CEP63: variants seen among roughly 807,000 people sequenced by gnomAD.
CEP63 encodes the protein centrosomal protein 63, also known as centrosomal protein of 63 kDa.
A neutral mutation model predicts 89.1 loss-of-function variants in CEP63; 84 were observed. That is an observed-to-expected ratio of 0.94 (90% CI 0.79 to 1.13). The LOEUF (loss-of-function observed/expected upper bound fraction) is 1.13. CEP63 is among the 50% of genes most tolerant of loss of function. CEP63 has a pLI of 0.00. For synonymous variants in CEP63, 267 were observed against 272.5 expected, an observed-to-expected ratio of 0.98 and a Z score of 0.20; for missense variants, 838 against 813.3, an observed-to-expected ratio of 1.03 and a Z score of -0.37.
At chr3:134,738,249 T>TACACACAC in the CEP63 span, among the ~76,000 whole-genome samples, 3,089 of 145,606 alleles carry the variant, frequency 0.021, 58 homozygotes, top group African/African-American at 0.045. Context: ...TATTCCATCA[T>TACACACAC]ACACACACAC....
the CEP63 span, chr3:134,601,009 T>A: frequency 2.0e-5 from 3 of 152,190 alleles, no homozygotes; most frequent in Non-Finnish European, 4.4e-5. Flanking sequence ...AGCTCCGCAC[T>A]TCGGACACCT....
chr3:134,678,499 A>T, the CEP63 span, among the ~76,000 whole-genome samples: 1 of 152,166 alleles, frequency 6.6e-6, no homozygotes, highest in African/African-American at 2.4e-5. Flanking sequence ...CCCAGCCCTC[A>T]CCAGCTGCTC....
chr3:134,645,445 G>T, the CEP63 span, among the ~76,000 whole-genome samples: 2 of 152,216 alleles, frequency 1.3e-5, no homozygotes, highest in Non-Finnish European at 2.9e-5. Context: ...AAGCCATCCA[G>T]TTACCAGGGC....
chr3:134,690,996 G>A, the CEP63 span, among the ~76,000 whole-genome samples: 3 of 152,088 alleles, frequency 2.0e-5, no homozygotes, highest in Admixed American at 6.5e-5. Flanking sequence ...TAATCTGCCC[G>A]CCTTGGCCTC....
the CEP63 span, among the ~76,000 whole-genome samples, chr3:134,621,429 G>T: frequency 2.8e-4 from 43 of 152,166 alleles, no homozygotes; most frequent in Non-Finnish European, 5.7e-4. Flanking sequence ...TACGGTTAGT[G>T]GATCTTTGAC....
chr3:134,610,275 G>A, the CEP63 span: 3 of 1,613,910 alleles, frequency 1.9e-6, no homozygotes, highest in South Asian at 3.3e-5. Flanking sequence ...TTCCCTCCAG[G>A]TACACAGCAT....
At chr3:134,586,173 G>A (rs1396271895) in intron 10 of CEP63, among the ~76,000 whole-genome samples, 1 of 152,038 alleles carries the variant, frequency 6.6e-6, no homozygotes, top group Non-Finnish European at 1.5e-5. Context: ...CTTTTAATTG[G>A]GGCATTTAGC....
At chr3:134,714,151 A>G in the CEP63 span, among the ~76,000 whole-genome samples, 1 of 152,200 alleles carries the variant, frequency 6.6e-6, no homozygotes, top group East Asian at 1.9e-4. Flanking sequence ...ACATTAGACC[A>G]GTGGTTCTCA....
the CEP63 span, among the ~76,000 whole-genome samples, chr3:134,781,447 C>T: frequency 3.3e-5 from 5 of 152,114 alleles, no homozygotes; most frequent in African/African-American, 1.2e-4. Context: ...CATTAAAATG[C>T]TGTATTATTC....
the CEP63 span, among the ~76,000 whole-genome samples, chr3:134,714,279 T>C: frequency 6.6e-6 from 1 of 152,140 alleles, no homozygotes; most frequent in South Asian, 2.1e-4. Flanking sequence ...GGAAAATCAT[T>C]TGAGGTTGGT....
chr3:134,658,836 C>T, the CEP63 span, among the ~76,000 whole-genome samples: 5 of 152,168 alleles, frequency 3.3e-5, no homozygotes, highest in Non-Finnish European at 7.4e-5. Flanking sequence ...AGCCCTGCTC[C>T]CTGCTCCGAT....
rs869231096 is a variant in CEP63, at chr3:134,535,500, C to CTTTTTTTTTTTTTTT, written c.442-1644_442-1643insTTTTTTTTTTTTTTT. ...GTCATGTCATTGGACCTTTCCTTTCCTTTTTTTTTTTCCTATCTACGCTCA... is the reference window on the plus strand; with the variant it reads ...GTCATGTCATTGGACCTTTCCTTTCCTTTTTTTTTTTTTTTTTTTTTTTTTTCCTATCTACGCTCA... On this transcript the variant is annotated intron_variant, in intron 5 of 14. Transcript: ENST00000675561. 1.4e-5 allele frequency: 2 copies of CTTTTTTTTTTTTTTT among 143,288 alleles called. 1 individual carries two copies. 8.9% of individuals were successfully genotyped at this position (143,288 alleles called of 1,614,324 possible).
At chr3:134,661,813 C>G in the CEP63 span, among the ~76,000 whole-genome samples, 1 of 150,932 alleles carries the variant, frequency 6.6e-6, no homozygotes, top group Non-Finnish European at 1.5e-5. Context: ...TTGTGCCCCC[C>G]CCCTCAAATT....
the CEP63 span, among the ~76,000 whole-genome samples, chr3:134,730,090 T>C: frequency 6.6e-6 from 1 of 152,186 alleles, no homozygotes; most frequent in East Asian, 1.9e-4. Context: ...CACTCTCCAG[T>C]GAAATGAATG....
chr3:134,571,551 G>A (rs1302450935), intron 11 of CEP63, among the ~76,000 whole-genome samples: 1 of 152,030 alleles, frequency 6.6e-6, no homozygotes, highest in Non-Finnish European at 1.5e-5. Context: ...CATGGTGGCG[G>A]GCACCTGTAG....
chr3:134,605,019 C>G, the CEP63 span, among the ~76,000 whole-genome samples: 1 of 152,190 alleles, frequency 6.6e-6, no homozygotes, highest in Non-Finnish European at 1.5e-5. Context: ...CCACCTCCCC[C>G]ACCCCATGCT....
At chr3:134,512,537 A>G (rs1218493166) in intron 3 of CEP63, among the ~76,000 whole-genome samples, 1 of 152,220 alleles carries the variant, frequency 6.6e-6, no homozygotes, top group African/African-American at 2.4e-5. Flanking sequence ...AATAAAAAGA[A>G]AAATGATTCT....
chr3:134,655,130 A>T, the CEP63 span, among the ~76,000 whole-genome samples: 1 of 152,162 alleles, frequency 6.6e-6, no homozygotes, highest in Non-Finnish European at 1.5e-5. Context: ...TAAAGTACTT[A>T]GCTATGGGTA....
chr3:134,555,093 C>G (rs1431900021), intron 12 of CEP63, among the ~76,000 whole-genome samples: 4 of 151,656 alleles, frequency 2.6e-5, no homozygotes, highest in Non-Finnish European at 5.9e-5. Context: ...TAAAAACTCT[C>G]AATAAATTAG....
Sources: gnomAD v4.1 joint callset for allele counts (sites outside exome capture counted in the v4.1 genomes callset) on GRCh38, gnomAD v4.1.1 for gene constraint, MANE v1.5 for transcripts, NCBI Gene and HGNC (gene_info 2026-07-23, HGNC 2026-07-21) for gene names.